Variants in ATXN7 observed in about 807,000 individuals in gnomAD.
The protein encoded by ATXN7 is ataxin 7.
A neutral mutation model predicts 70.5 loss-of-function variants in ATXN7; 12 were observed. The ratio of observed to expected loss-of-function variants is 0.17; its 90% CI spans 0.11 to 0.28. ATXN7 has a LOEUF of 0.28. ATXN7 is among the 10% of genes least tolerant of loss of function. ATXN7 has a pLI of 1.00. For missense variants in ATXN7, 1,256 were observed against 1,131.7 expected (o/e 1.11, Z -1.58); for synonymous variants, 498 against 448.7 (o/e 1.11, Z -1.39).
intron 4 of ATXN7, among the ~76,000 whole-genome samples, chr3:63,945,692 T>TA (rs2074847886): frequency 6.6e-6 from 1 of 152,198 alleles, no homozygotes; most frequent in Non-Finnish European, 1.5e-5. Context: ...ACAAGATAGA[T>TA]ATGGAATGTA....
At chr3:63,992,670 T>A (rs1576000639) in intron 11 of ATXN7, among the ~76,000 whole-genome samples, 1 of 152,330 alleles carries the variant, frequency 6.6e-6, no homozygotes, top group African/African-American at 2.4e-5. Flanking sequence ...TAAGGTCGAC[T>A]CTGCTGTCTA....
chr3:63,896,331 G>A (rs1703447943), intron 1 of ATXN7, among the ~76,000 whole-genome samples: 1 of 148,280 alleles, frequency 6.7e-6, no homozygotes, highest in Non-Finnish European at 1.5e-5. Context: ...CAAAGTAGTT[G>A]TTGCATGAAT....
chr3:63,995,682 T>G lies in ATXN7; in HGVS notation c.1860T>G (p.Ala620=). 1 of 1,614,148 alleles carries G rather than the reference T, an allele frequency of 6.2e-7. No homozygotes were observed. Reference sequence around the variant, plus strand: ...CCCCAAATAGCAAATCGGTACCAGCTCATGGAACCACACTAAATGCACAGC... The same window carrying G: ...CCCCAAATAGCAAATCGGTACCAGCGCATGGAACCACACTAAATGCACAGC... ...CISPNSKSVP[A]HGTTLNAQPA... The change falls in exon 12 of 13, where the codon GCT becomes GCG. Residue 620 remains alanine, a synonymous_variant. Coordinates refer to ENST00000674280, the MANE Select transcript of ATXN7 (RefSeq NM_001377405.1).
chr3:63,995,790 C>T lies in ATXN7; in HGVS notation c.1968C>T (p.Pro656=), dbSNP rs1278753896. Residue 656 remains proline, a synonymous_variant, in exon 12 of 13, where the codon CCC becomes CCT. Coordinates refer to ENST00000674280, the MANE Select transcript of ATXN7 (RefSeq NM_001377405.1). ...VSSSSSSPST[P]SGLSSVPSSP... is the part of the protein sequence containing the mutation. ...CTTCATCCTCATCCCCTTCCACGCC[C>T]TCTGGCCTTTCCTCGGTTCCTTCCT... The T allele has an allele frequency of 6.2e-7, 1 of 1,614,228 alleles. No individual in the cohort carries two copies. Among genetic ancestry groups the T allele is most frequent in the Admixed American group, 1.7e-5 (1 of 60,034 alleles).
At chr3:63,955,860 G>A (rs1044009248) in intron 5 of ATXN7, among the ~76,000 whole-genome samples, 2 of 152,182 alleles carry the variant, frequency 1.3e-5, no homozygotes, top group Non-Finnish European at 1.5e-5. Flanking sequence ...AGGCAGTTCC[G>A]TTAAAACCAC....
At position 63,995,801 on chromosome 3, in the gene ATXN7, C is replaced by G. The variant is rs1229668275; in HGVS notation, c.1979C>G (p.Ser660Cys). Residue 660 changes from serine to cysteine, a missense_variant, in exon 12 of 13, where the codon TCC (serine) becomes TGC (cysteine). Coordinates refer to ENST00000674280, the MANE Select transcript of ATXN7 (RefSeq NM_001377405.1). ...TCCCCTTCCACGCCCTCTGGCCTTT[C>G]CTCGGTTCCTTCCTCCCCCATGTCC... is the stretch of plus-strand genomic sequence containing the variant. ...SSSPSTPSGLSSVPSSPMSRK... is the reference protein window; with the variant it reads ...SSSPSTPSGLCSVPSSPMSRK... The G allele has an allele frequency of 1.2e-6, 2 of 1,614,232 alleles. No individual in the cohort carries two copies. The highest frequency in any genetic ancestry group is 1.7e-6 in the Non-Finnish European group (2 of 1,180,046).
rs2075849943 is a variant in ATXN7 at position 64,002,920 on chromosome 3, C to A, written c.*3453C>A. On this transcript the variant is annotated 3_prime_UTR_variant, in exon 13 of 13. Coordinates refer to ENST00000674280, the MANE Select transcript of ATXN7 (RefSeq NM_001377405.1). ...TATTTTGTATTCCAAAAATATAATA[C>A]AAAGAAGTACCTCTGAGAACATTGA... is the stretch of plus-strand genomic sequence containing the variant. 1 of 151,796 alleles carries A rather than the reference C, an allele frequency of 6.6e-6. No homozygotes were observed. The highest frequency in any genetic ancestry group is 1.5e-5 in the Non-Finnish European group (1 of 67,974). The allele number at this position is 151,796 out of a possible 1,614,324, so 9.4% of individuals were successfully genotyped here.
chr3:63,975,951 C>T (rs867087757), intron 5 of ATXN7, among the ~76,000 whole-genome samples: 18 of 152,188 alleles, frequency 1.2e-4, no homozygotes, highest in African/African-American at 4.1e-4. Context: ...CTGTCTCTCC[C>T]TTACTGGAGC....
At chr3:63,900,165 T>A (rs1703583255) in intron 2 of ATXN7, among the ~76,000 whole-genome samples, 3 of 152,192 alleles carry the variant, frequency 2.0e-5, no homozygotes, top group Admixed American at 2.0e-4. Flanking sequence ...AGGTGCAGTT[T>A]AAGATGAGTC....
intron 4 of ATXN7, among the ~76,000 whole-genome samples, chr3:63,931,465 C>T (rs1004888814): frequency 1.3e-5 from 2 of 152,076 alleles, no homozygotes; most frequent in Admixed American, 1.3e-4. Flanking sequence ...GTCAGGGGCT[C>T]AGGGAGAGCC....
Position 63,889,615 on chromosome 3 carries a change from G to A in ATXN7, c.-110-8784G>A, listed in dbSNP as rs1169948590. Among the ~76,000 whole-genome samples, 3 of 152,160 alleles carry A rather than the reference G, an allele frequency of 2.0e-5. No individual in the cohort carries two copies. In the East Asian group the frequency reaches 5.8e-4, roughly 29 times the overall value. The stretch of plus-strand genomic sequence containing the variant: ...GGAGAATATTCTAGGATCTATAGGA[G>A]GGCATGTTAGTGTTTGGCTGCAAAT... On this transcript the variant is annotated intron_variant, in intron 1 of 12. Transcript: ENST00000674280.
chr3:63,867,754 G>T (rs1358170534), intron 1 of ATXN7, among the ~76,000 whole-genome samples: 1 of 152,102 alleles, frequency 6.6e-6, no homozygotes, highest in Non-Finnish European at 1.5e-5. Context: ...ATCTAGGCGT[G>T]GTGGTGTGGC....
chr3:63,977,235 A>G (rs1313427098), intron 5 of ATXN7, among the ~76,000 whole-genome samples: 1 of 152,198 alleles, frequency 6.6e-6, no homozygotes, highest in Admixed American at 6.5e-5. Context: ...AGTATGTTCA[A>G]ATTGTTTCTT....
intron 2 of ATXN7, among the ~76,000 whole-genome samples, chr3:63,900,388 C>G (rs189766473): frequency 1.8e-3 from 275 of 152,316 alleles, no homozygotes; most frequent in African/African-American, 6.3e-3. Context: ...TGTTTTAGTA[C>G]TGTTGAGATG....
upstream of ATXN7, chr3:63,863,654 C>CT (rs1702297472): frequency 8.2e-7 from 1 of 1,218,820 alleles, no homozygotes; most frequent in Non-Finnish European, 1.0e-6. Flanking sequence ...CCGAAGCGCT[C>CT]TGGCGAAGAG....
At chr3:63,963,388 A>G (rs1215910945) in intron 5 of ATXN7, among the ~76,000 whole-genome samples, 3 of 152,150 alleles carry the variant, frequency 2.0e-5, no homozygotes, top group Admixed American at 6.5e-5. Context: ...AACTATTTTC[A>G]GTGCAGCCTT....
chr3:63,935,038 GA>G, intron 4 of ATXN7, among the ~76,000 whole-genome samples: 1 of 152,238 alleles, frequency 6.6e-6, no homozygotes, highest in Middle Eastern at 3.4e-3. Flanking sequence ...TTAATATATA[GA>G]AAGCCCTGAG....
chr3:63,998,348 A>G (rs977615676), intron 12 of ATXN7: 9 of 984,854 alleles, frequency 9.1e-6, no homozygotes, highest in South Asian at 9.4e-5. Flanking sequence ...GTTGAGATAT[A>G]TGTGTGTGTG....
At chr3:63,882,385 CTTTT>C (rs1164256938) in intron 1 of ATXN7, among the ~76,000 whole-genome samples, 6 of 128,832 alleles carry the variant, frequency 4.7e-5, no homozygotes, top group Admixed American at 7.9e-5. Context: ...GCCTTTGATT[CTTTT>C]TTTTTTTTTT....
Sources: allele counts gnomAD v4.1 joint callset (sites outside exome capture counted in the v4.1 genomes callset), GRCh38; gene constraint gnomAD v4.1.1; transcripts MANE v1.5; gene names NCBI Gene and HGNC (gene_info 2026-07-23, HGNC 2026-07-21).